RALGDS: variants seen among roughly 807,000 people sequenced by gnomAD.
The protein encoded by RALGDS is ral guanine nucleotide exchange factor.
RALGDS carries 44 observed loss-of-function variants against 99.8 expected under a neutral mutation model. That is an observed-to-expected ratio of 0.44 (90% CI 0.35 to 0.57). The LOEUF (loss-of-function observed/expected upper bound fraction) is 0.57. RALGDS is among the 20% of genes least tolerant of loss of function. The probability of loss-of-function intolerance (pLI) is 0.01; values close to 1 mark genes in which losing one functional copy is unlikely to be tolerated. For missense variants in RALGDS, 1,022 were observed against 1,203.1 expected, an observed-to-expected ratio of 0.85 and a Z score of 2.23; for synonymous variants, 529 against 505.0, an observed-to-expected ratio of 1.05 and a Z score of -0.64.
intron 12 of RALGDS, 125 bp downstream of exon 12, chr9:133,103,105 C>G: frequency 7.0e-7 from 1 of 1,432,162 alleles, no homozygotes. Flanking sequence ...AGGGGACCCC[C>G]TTCTCTCTGT....
chr9:133,139,862 C>A (rs116622643), intron 1 of RALGDS, among the ~76,000 whole-genome samples: 1 of 152,162 alleles, frequency 6.6e-6, no homozygotes, highest in Non-Finnish European at 1.5e-5. Context: ...CCCCCACATC[C>A]GTAGGCCCAC....
At chr9:133,143,787 AAT>A (rs1491154213) in intron 1 of RALGDS, among the ~76,000 whole-genome samples, 3 of 80,220 alleles carry the variant, frequency 3.7e-5, no homozygotes, top group Middle Eastern at 4.5e-3. Context: ...CAACAACAAC[AAT>A]AATAATAATA....
chr9:133,104,497 C>G (rs943121255), intron 9 of RALGDS, 166 bp from the exon 10 acceptor site: 28 of 660,352 alleles, frequency 4.2e-5, no homozygotes, highest in Non-Finnish European at 5.7e-5. Flanking sequence ...CCTGCCTCCC[C>G]CTCTGGAAAG....
rs371263731 is a variant in RALGDS at position 133,111,063 on chromosome 9, GTC to G, written c.295-576_295-575del. Among the ~76,000 whole-genome samples, 588 of 152,290 alleles carry G rather than the reference GTC, an allele frequency of 3.9e-3. 6 individuals are homozygous for G. Among genetic ancestry groups the G allele is most frequent in the African/African-American group, 0.014 (574 of 41,534 alleles). ...AGCCTGGGTGACAGAGTGAGACCCTGTCTCTAAAAGAGTGAAAAAATTTTTAA... is the reference window on the plus strand; with the variant it reads ...AGCCTGGGTGACAGAGTGAGACCCTGTCTAAAAGAGTGAAAAAATTTTTAA... On this transcript the variant is annotated intron_variant, in intron 2 of 17. Transcript: ENST00000372050.
Position 133,100,322 on chromosome 9 carries a change from C to G in RALGDS, c.2515G>C (p.Glu839Gln), listed in dbSNP as rs1234446157. Reference protein sequence around the residue: ...IRKAMDKHNLEEEEPEDYELL... With the variant: ...IRKAMDKHNLQEEEPEDYELL... ...TCATAGTCCTCCGGCTCCTCCTCCTCCAGGTTGTGTTTGTCCATGGCCTTG... is the reference window on the plus strand; with the variant it reads ...TCATAGTCCTCCGGCTCCTCCTCCTGCAGGTTGTGTTTGTCCATGGCCTTG... Residue 839 changes from glutamate to glutamine, a missense_variant, in exon 17 of 18, where the codon GAG becomes CAG. Transcript: ENST00000372050. 1 of 1,614,120 alleles carries G rather than the reference C, an allele frequency of 6.2e-7. No homozygotes were observed. Among genetic ancestry groups the G allele is most frequent in the Non-Finnish European group, 8.5e-7 (1 of 1,180,040 alleles).
At chr9:133,149,066 G>A in exon 1 of RALGDS, 1 of 1,071,794 alleles carries the variant, frequency 9.3e-7, no homozygotes, top group Admixed American at 4.6e-5. Context: ...CGCGGCGCAG[G>A]GGTGCGCCCG....
In RALGDS at chr9:133,105,894, CCCGCCCCAGCCCCCGCCCCAGCCT is replaced by C. The variant is rs1831026231; in HGVS notation, c.1602+14_1602+37del. On this transcript the variant is annotated intron_variant, in intron 9 of 17. Coordinates refer to ENST00000372050, the MANE Select transcript of RALGDS (RefSeq NM_006266.4). ...CCCCGCCCCAGCCCCCGCCCCAGCC[CCCGCCCCAGCCCCCGCCCCAGCCT>C]GCCGCCACTCCACCTTGATGAGCAG... 6.3e-5 allele frequency: 4 copies of C among 63,070 alleles called. No homozygotes were observed. The highest frequency in any genetic ancestry group is 2.3e-4 in the African/African-American group (3 of 13,266). The allele number at this position is 63,070 out of a possible 1,614,324, so 3.9% of individuals were successfully genotyped here. A position where few individuals can be genotyped will look rare whatever the true frequency, so the allele number is the denominator to read the frequency against.
chr9:133,101,673 C>T lies in RALGDS; in HGVS notation c.2301G>A (p.Thr767=), dbSNP rs375145110. The T allele has an allele frequency of 8.1e-6, 13 of 1,613,774 alleles. No homozygotes were observed. The highest frequency in any genetic ancestry group is 1.1e-5 in the South Asian group (1 of 91,086). ...SSTSSSSAST[T]PVAATRTHKR... Reference sequence around the variant, plus strand: ...TGTGGGTGCGTGTGGCAGCCACGGGCGTGGTGGAGGCTGAGGAGGACGAGG... The same window carrying T: ...TGTGGGTGCGTGTGGCAGCCACGGGTGTGGTGGAGGCTGAGGAGGACGAGG... Residue 767 remains threonine (T), a synonymous_variant, in exon 16 of 18, where the codon ACG becomes ACA. Coordinates refer to ENST00000372050, the MANE Select transcript of RALGDS (RefSeq NM_006266.4).
At chr9:133,107,523 G>A (rs1046400003) in intron 6 of RALGDS, among the ~76,000 whole-genome samples, 54 of 152,198 alleles carry the variant, frequency 3.5e-4, no homozygotes, top group Non-Finnish European at 1.6e-4. Context: ...GGCGGCTCAC[G>A]CCTGCCCACC....
intron 4 of RALGDS, 68 bp downstream of exon 4, chr9:133,109,552 GGCCCCA>G (rs1191785933): frequency 7.2e-7 from 1 of 1,382,176 alleles, no homozygotes; most frequent in Non-Finnish European, 1.0e-6. Flanking sequence ...CCCCGGCTCC[GGCCCCA>G]GCCCCATGTA....
intron 1 of RALGDS, among the ~76,000 whole-genome samples, chr9:133,137,489 A>G (rs918568070): frequency 1.4e-4 from 22 of 152,156 alleles, no homozygotes; most frequent in African/African-American, 5.3e-4. Flanking sequence ...GCTGGAGAGG[A>G]GCCTGAGGGA....
intron 1 of RALGDS, among the ~76,000 whole-genome samples, chr9:133,126,784 G>C (rs1469947479): frequency 6.6e-6 from 1 of 152,254 alleles, no homozygotes; most frequent in Non-Finnish European, 1.5e-5. Flanking sequence ...GGGACAGCGG[G>C]AGAGGGAGGC....
chr9:133,114,259 C>T (rs577973733), intron 1 of RALGDS, among the ~76,000 whole-genome samples: 1 of 152,316 alleles, frequency 6.6e-6, no homozygotes, highest in Non-Finnish European at 1.5e-5. Flanking sequence ...ACGCTCTAGC[C>T]CGCGTGGAGC....
intron 15 of RALGDS, 74 bp from the exon 16 acceptor site, chr9:133,101,836 C>A: frequency 6.4e-7 from 1 of 1,553,458 alleles, no homozygotes; most frequent in Non-Finnish European, 8.7e-7. Context: ...AGATGGGGAA[C>A]CTTCTAGAAG....
chr9:133,137,444 G>A (rs925577344), intron 1 of RALGDS, among the ~76,000 whole-genome samples: 1 of 152,216 alleles, frequency 6.6e-6, no homozygotes, highest in Admixed American at 6.5e-5. Context: ...CTTGTGGGAA[G>A]ATCACCAGGA....
In RALGDS at chr9:133,098,509, G is replaced by A. The variant is rs1371497265; in HGVS notation, c.*78C>T. 4 of 1,495,042 alleles carry A rather than the reference G, an allele frequency of 2.7e-6. No individual in the cohort carries two copies. The highest frequency in any genetic ancestry group is 2.8e-6 in the Non-Finnish European group (3 of 1,081,372). 92.6% of individuals were successfully genotyped at this position (1,495,042 alleles called of 1,614,324 possible). On this transcript the variant is annotated 3_prime_UTR_variant, in exon 18 of 18. Coordinates refer to ENST00000372050, the MANE Select transcript of RALGDS (RefSeq NM_006266.4). Reference sequence around the variant, plus strand: ...GGTACCCTGGGCTGGCAGGTGGGAGGAAGGCGCCCAGCTGGCCTGGGCCAC... The same window carrying A: ...GGTACCCTGGGCTGGCAGGTGGGAGAAAGGCGCCCAGCTGGCCTGGGCCAC...
At chr9:133,103,929 C>A (rs1830887032) in intron 10 of RALGDS, 96 bp from the exon 11 acceptor site, 2 of 1,176,648 alleles carry the variant, frequency 1.7e-6, no homozygotes, top group Non-Finnish European at 2.5e-6. Flanking sequence ...AGCTGGGGGA[C>A]CTCTGGGGGC....
chr9:133,104,155 G>A (rs1343714287), intron 10 of RALGDS, 108 bp downstream of exon 10: 12 of 1,179,264 alleles, frequency 1.0e-5, no homozygotes, highest in South Asian at 6.3e-5. Flanking sequence ...GGGTCCAGAG[G>A]AGGCTACCTC....
chr9:133,131,043 A>C (rs1832318958), exon 1 of RALGDS: 2 of 1,532,152 alleles, frequency 1.3e-6, no homozygotes, highest in South Asian at 1.2e-5. Flanking sequence ...CGGGGAGGAG[A>C]GGGTGTGGGC....
Sources: gnomAD v4.1 joint callset for allele counts (sites outside exome capture counted in the v4.1 genomes callset) on GRCh38, gnomAD v4.1.1 for gene constraint, MANE v1.5 for transcripts, NCBI Gene and HGNC (gene_info 2026-07-23, HGNC 2026-07-21) for gene names.